SPMAP2L: variants seen among roughly 807,000 people sequenced by gnomAD.
The protein encoded by SPMAP2L is sperm microtubule associated protein 2-like.
chr4:56,534,964 A>G, the SPMAP2L span, among the ~76,000 whole-genome samples: 1 of 151,282 alleles, frequency 6.6e-6, no homozygotes, highest in Non-Finnish European at 1.5e-5. Flanking sequence ...CAACAAAAAA[A>G]CCATAATGTG....
chr4:56,592,899 T>A, the SPMAP2L span: 8 of 1,608,572 alleles, frequency 5.0e-6, no homozygotes, highest in South Asian at 8.8e-5. Context: ...ATGCTGCAGA[T>A]CTTGGGGCTG....
the SPMAP2L span, among the ~76,000 whole-genome samples, chr4:56,591,156 A>T: frequency 6.6e-6 from 1 of 152,140 alleles, no homozygotes; most frequent in African/African-American, 2.4e-5. Flanking sequence ...GAGAGTGGAT[A>T]TCCCCCTTGC....
At chr4:56,579,587 T>C in the SPMAP2L span, among the ~76,000 whole-genome samples, 389 of 152,044 alleles carry the variant, frequency 2.6e-3, 2 homozygotes, top group African/African-American at 8.9e-3. Flanking sequence ...CTGGGCAACA[T>C]AGTGAGACCC....
the SPMAP2L span, among the ~76,000 whole-genome samples, chr4:56,605,180 A>G: frequency 2.0e-5 from 3 of 152,318 alleles, no homozygotes; most frequent in African/African-American, 7.2e-5. Context: ...TACCTGTGCT[A>G]GCTTTCTAAG....
the SPMAP2L span, chr4:56,594,256 T>C: frequency 1.8e-5 from 28 of 1,582,220 alleles, no homozygotes; most frequent in African/African-American, 2.7e-5. Flanking sequence ...CTGAAACAAA[T>C]ATTGTCCGGT....
chr4:56,536,063 C>G, the SPMAP2L span, among the ~76,000 whole-genome samples: 1 of 152,230 alleles, frequency 6.6e-6, no homozygotes, highest in African/African-American at 2.4e-5. Context: ...ACTGATCTGA[C>G]AGGAGGCGGA....
At chr4:56,600,281 A>G in the SPMAP2L span, among the ~76,000 whole-genome samples, 4 of 150,780 alleles carry the variant, frequency 2.7e-5, no homozygotes, top group Admixed American at 2.0e-4. Flanking sequence ...AAAATGGGAA[A>G]CAATAGGATG....
At chr4:56,583,063 A>G in the SPMAP2L span, among the ~76,000 whole-genome samples, 1 of 152,136 alleles carries the variant, frequency 6.6e-6, no homozygotes, top group South Asian at 2.1e-4. Context: ...ACTTGAGGTC[A>G]GGCGTTCGAG....
the SPMAP2L span, among the ~76,000 whole-genome samples, chr4:56,615,379 G>A: frequency 1.3e-5 from 2 of 152,184 alleles, no homozygotes; most frequent in Non-Finnish European, 2.9e-5. Context: ...AGGTTTCTAC[G>A]CTATGCCCGC....
the SPMAP2L span, among the ~76,000 whole-genome samples, chr4:56,624,923 C>T: frequency 6.6e-6 from 1 of 152,296 alleles, no homozygotes; most frequent in Non-Finnish European, 1.5e-5. Flanking sequence ...AGAAGAGGGT[C>T]ACTGTCCTCC....
the SPMAP2L span, among the ~76,000 whole-genome samples, chr4:56,549,466 C>T: frequency 6.6e-6 from 1 of 151,774 alleles, no homozygotes; most frequent in Non-Finnish European, 1.5e-5. Flanking sequence ...AGTACGGTAG[C>T]TAATGACTTT....
At chr4:56,559,512 A>C in the SPMAP2L span, 1 of 1,516,964 alleles carries the variant, frequency 6.6e-7, no homozygotes, top group Non-Finnish European at 8.8e-7. Context: ...GCCACTATGT[A>C]CCTAACAGGT....
the SPMAP2L span, among the ~76,000 whole-genome samples, chr4:56,598,968 G>A: frequency 1.2e-4 from 19 of 152,070 alleles, no homozygotes; most frequent in Admixed American, 3.3e-4. Context: ...GGGCTCTTAC[G>A]GTCTCTTGCC....
the SPMAP2L span, among the ~76,000 whole-genome samples, chr4:56,601,498 C>T: frequency 6.6e-6 from 1 of 152,134 alleles, no homozygotes; most frequent in Non-Finnish European, 1.5e-5. Flanking sequence ...GTGGCTCATA[C>T]TAGTAATCCC....
At chr4:56,624,561 C>T in the SPMAP2L span, among the ~76,000 whole-genome samples, 2 of 152,152 alleles carry the variant, frequency 1.3e-5, no homozygotes, top group Non-Finnish European at 2.9e-5. Context: ...GGCCCAGGGT[C>T]CCCATGCTAT....
chr4:56,589,961 A>G, the SPMAP2L span, among the ~76,000 whole-genome samples: 1 of 152,050 alleles, frequency 6.6e-6, no homozygotes, highest in Non-Finnish European at 1.5e-5. Flanking sequence ...TGTCATGCAA[A>G]CAGTAACAGT....
the SPMAP2L span, chr4:56,603,085 T>C: frequency 7.5e-6 from 4 of 533,684 alleles, no homozygotes; most frequent in Non-Finnish European, 6.4e-6. Flanking sequence ...ATCTGTATAG[T>C]GGAGGTCATG....
the SPMAP2L span, among the ~76,000 whole-genome samples, chr4:56,584,996 T>C: frequency 6.6e-6 from 1 of 152,148 alleles, no homozygotes; most frequent in Admixed American, 6.5e-5. Context: ...ATGGGTTCTT[T>C]AGGCAAGGAG....
At chr4:56,586,036 T>C in the SPMAP2L span, among the ~76,000 whole-genome samples, 1 of 152,102 alleles carries the variant, frequency 6.6e-6, no homozygotes, top group Admixed American at 6.6e-5. Context: ...GACTGAGAAA[T>C]TCTGACTGGG....
Sources: allele counts gnomAD v4.1 joint callset (sites outside exome capture counted in the v4.1 genomes callset), GRCh38; gene constraint gnomAD v4.1.1; transcripts MANE v1.5; gene names NCBI Gene and HGNC (gene_info 2026-07-23, HGNC 2026-07-21).